LMF1: variants seen among roughly 807,000 people sequenced by gnomAD.
The protein encoded by LMF1 is transmembrane protein 112.
Under a neutral mutation model 60.6 loss-of-function variants are expected in LMF1, and 68 were observed. The ratio of observed to expected loss-of-function variants is 1.12; its 90% CI spans 0.92 to 1.37. The LOEUF (loss-of-function observed/expected upper bound fraction) is 1.37. LMF1 is among the 40% of genes most tolerant of loss of function. The probability of loss-of-function intolerance (pLI) is 0.00; values close to 1 mark genes in which losing one functional copy is unlikely to be tolerated. For synonymous variants in LMF1, 418 were observed against 324.7 expected (o/e 1.29, Z -3.09); for missense variants, 948 against 767.2 (o/e 1.24, Z -2.78).
At chr16:893,430 G>T in intron 4 of LMF1, 1 of 461,552 alleles carries the variant, frequency 2.2e-6, no homozygotes, top group Non-Finnish European at 4.3e-6. Context: ...CCCACGGACA[G>T]TGTCAGAGGG....
At chr16:875,218 C>A (rs145840282) in intron 6 of LMF1, among the ~76,000 whole-genome samples, 1 of 152,040 alleles carries the variant, frequency 6.6e-6, no homozygotes, top group African/African-American at 2.4e-5. Flanking sequence ...TCTGTCCCCT[C>A]CCCTTTCAGC....
At chr16:884,657 C>T (rs867928948) in intron 5 of LMF1, among the ~76,000 whole-genome samples, 28 of 151,058 alleles carry the variant, frequency 1.9e-4, no homozygotes, top group South Asian at 6.3e-4. Flanking sequence ...AGAATGATCA[C>T]GGATGGAAGC....
Position 870,166 on chromosome 16 carries a change from A to G in LMF1, c.1233-100T>C. ...GTTCCCCGACTGTCCATCCTGGCCC[A>G]GGGGGAGGGCTACAGCCTCCACCTG... On this transcript the variant is annotated intron_variant, in intron 8 of 10. Transcript: ENST00000262301. The G allele has an allele frequency of 2.2e-6, 3 of 1,355,884 alleles. No homozygotes were observed. In the South Asian group the frequency reaches 4.1e-5, roughly 19 times the overall value. The allele number at this position is 1,355,884 out of a possible 1,614,324, so 84.0% of individuals were successfully genotyped here. A position where few individuals can be genotyped will look rare whatever the true frequency, so the allele number is the denominator to read the frequency against.
Position 854,480 on chromosome 16 carries a change from C to T in LMF1, c.*52G>A, listed in dbSNP as rs746947697. 14 of 1,543,362 alleles carry T rather than the reference C, an allele frequency of 9.1e-6. No individual in the cohort carries two copies. The highest frequency in any genetic ancestry group is 1.4e-5 in the African/African-American group (1 of 73,698). ...TGGGCTGGGCGCAGGGAAGGGCAAA[C>T]GTTGCTGAGCCGCCGAGGGGCTGGG... On this transcript the variant is annotated 3_prime_UTR_variant, in exon 11 of 11. Transcript: ENST00000262301.
At chr16:930,335 C>T (rs1244411767) in intron 3 of LMF1, among the ~76,000 whole-genome samples, 2 of 152,236 alleles carry the variant, frequency 1.3e-5, no homozygotes, top group Admixed American at 6.5e-5. Flanking sequence ...GCTCTTACAA[C>T]AGTAGAGAGA....
At chr16:901,718 C>G (rs2070816733) in intron 4 of LMF1, 1 of 152,190 alleles carries the variant, frequency 6.6e-6, no homozygotes, top group South Asian at 2.1e-4. Flanking sequence ...GGAGACAGCC[C>G]TGAGTCAGGA....
chr16:868,844 T>C, intron 10 of LMF1, 100 bp downstream of exon 10: 1 of 778,850 alleles, frequency 1.3e-6, no homozygotes, highest in Non-Finnish European at 2.2e-6. Context: ...GAAGGGGCGC[T>C]TCCCGTGAGC....
Position 962,610 on chromosome 16 carries a change from A to G in LMF1, c.194-7944T>C, listed in dbSNP as rs891109764. On this transcript the variant is annotated intron_variant, in intron 1 of 10. Coordinates refer to ENST00000262301, the MANE Select transcript of LMF1 (RefSeq NM_022773.4). This position sits in a 1 kb window ranked among gnomAD's most constrained non-coding sequence, Gnocchi z 4.5. ...TCACCCAGTCTAATTGCGAGGAAAC[A>G]CCAGACGGACCCAACGTGAGGGACG... 2.0e-5 allele frequency among the ~76,000 whole-genome samples: 3 copies of G among 152,132 alleles called. No individual in the cohort carries two copies. Among genetic ancestry groups the G allele is most frequent in the African/African-American group, 7.2e-5 (3 of 41,426 alleles).
intron 1 of LMF1, chr16:968,793 CGGA>C (rs1567338407): frequency 6.6e-6 from 1 of 152,186 alleles, no homozygotes; most frequent in East Asian, 1.9e-4. Context: ...AGAATCCCTG[CGGA>C]GATCAAAGGA....
At chr16:971,039 C>T (rs1282633373), upstream of LMF1, 2 of 821,290 alleles carry the variant, frequency 2.4e-6, no homozygotes, top group Non-Finnish European at 3.2e-6. Flanking sequence ...CGCCCATTCT[C>T]GGAGGCCCCG....
chr16:934,386 A>T, intron 2 of LMF1, 132 bp from the exon 3 acceptor site: 1 of 1,135,094 alleles, frequency 8.8e-7, no homozygotes, highest in Non-Finnish European at 1.3e-6. Flanking sequence ...TGCGAGGAGG[A>T]CCTGCCCGCT....
intron 3 of LMF1, among the ~76,000 whole-genome samples, chr16:911,941 A>G (rs1596977234): frequency 6.6e-6 from 1 of 152,144 alleles, no homozygotes; most frequent in Non-Finnish European, 1.5e-5. Context: ...GAAACCCAGC[A>G]TAAGAATGCG....
At chr16:892,943 C>A in intron 5 of LMF1, 64 bp downstream of exon 5, 1 of 1,317,652 alleles carries the variant, frequency 7.6e-7, no homozygotes. Flanking sequence ...TGAGCCCCGC[C>A]AAGAGTGGGA....
At chr16:885,564 G>A (rs116518946) in intron 5 of LMF1, among the ~76,000 whole-genome samples, 1,622 of 152,206 alleles carry the variant, frequency 0.011, 28 homozygotes, top group African/African-American at 0.035. Context: ...ATACAAACAC[G>A]AGCGACGAGA....
intron 1 of LMF1, among the ~76,000 whole-genome samples, chr16:978,160 ACAC>A (rs1352620773): frequency 1.3e-5 from 2 of 149,942 alleles, no homozygotes; most frequent in East Asian, 4.0e-4. Flanking sequence ...ACACACACAC[ACAC>A]ACCACACACC....
chr16:955,157 G>A lies in LMF1; in HGVS notation c.194-491C>T, dbSNP rs1275424338. On this transcript the variant is annotated intron_variant, in intron 1 of 10. Coordinates refer to ENST00000262301, the MANE Select transcript of LMF1 (RefSeq NM_022773.4). ...GACAAGTTACATAAAATGCGTGCCTGCAGCAGACGCAGTGTGTGCATACAC... is the reference window on the plus strand; with the variant it reads ...GACAAGTTACATAAAATGCGTGCCTACAGCAGACGCAGTGTGTGCATACAC... Among the ~76,000 whole-genome samples the A allele has an allele frequency of 5.3e-4, 73 of 138,630 alleles. 6 individuals carry two copies. Among genetic ancestry groups the A allele is most frequent in the African/African-American group, 1.0e-3 (34 of 33,680 alleles). 90.9% of individuals were successfully genotyped at this position (138,630 alleles called of 152,430 possible). A position where few individuals can be genotyped will look rare whatever the true frequency, so the allele number is the denominator to read the frequency against.
Position 937,451 on chromosome 16 carries a change from G to A in LMF1, c.504-3197C>T, listed in dbSNP as rs111458055. 5.5e-3 allele frequency among the ~76,000 whole-genome samples: 835 copies of A among 152,258 alleles called. 11 individuals carry two copies. Among genetic ancestry groups the A allele is most frequent in the African/African-American group, 0.019 (789 of 41,540 alleles). On this transcript the variant is annotated intron_variant, in intron 2 of 10. Coordinates refer to ENST00000262301, the MANE Select transcript of LMF1 (RefSeq NM_022773.4). ...AGGTCAGGAACCTGCTCCCCTGTGA[G>A]CCTCCACACCTGACTGACAGGCCGC...
intron 6 of LMF1, chr16:873,417 G>C (rs562676091): frequency 2.0e-5 from 3 of 152,350 alleles, no homozygotes; most frequent in Non-Finnish European, 4.4e-5. Context: ...AGGAAGAGGA[G>C]CTTGAGGTGA....
intron 2 of LMF1, among the ~76,000 whole-genome samples, chr16:951,930 A>G (rs3865202): frequency 6.6e-6 from 1 of 151,908 alleles, no homozygotes; most frequent in African/African-American, 2.4e-5. Flanking sequence ...GGCCTGGGGC[A>G]TCGGGGGCAA....
Sources: gnomAD v4.1 joint callset for allele counts (sites outside exome capture counted in the v4.1 genomes callset) on GRCh38, gnomAD v4.1.1 for gene constraint, Gnocchi (gnomAD v3.1) non-coding constraint, MANE v1.5 for transcripts, NCBI Gene and HGNC (gene_info 2026-07-23, HGNC 2026-07-21) for gene names.